The following AMBRA1 variants were observed in gnomAD, a reference collection of about 807,000 sequenced individuals.
The protein encoded by AMBRA1 is activating molecule in BECN1-regulated autophagy protein 1.
Under a neutral mutation model 125.4 loss-of-function variants are expected in AMBRA1, and 47 were observed. That is an observed-to-expected ratio of 0.37 (90% CI 0.30 to 0.48). AMBRA1 has a LOEUF of 0.48. AMBRA1 is among the 20% of genes least tolerant of loss of function. AMBRA1 has a pLI of 0.99. For synonymous variants in AMBRA1, 626 were observed against 655.5 expected (o/e 0.95, Z 0.69); for missense variants, 1,331 against 1,693.4 (o/e 0.79, Z 3.76).
rs2044025827 is a variant in AMBRA1, at chr11:46,578,157, T to C, written c.-121+15671A>G. Among the ~76,000 whole-genome samples, 4 of 151,940 alleles carry C rather than the reference T, an allele frequency of 2.6e-5. 1 individual carries two copies. The highest frequency in any genetic ancestry group is 2.6e-4 in the Admixed American group (4 of 15,214). On this transcript the variant is annotated intron_variant, in intron 1 of 17. Coordinates refer to ENST00000683756, the MANE Select transcript of AMBRA1 (RefSeq NM_001387011.1). Reference sequence around the variant, plus strand: ...GCTAGGAGAACTAAAAAGGACAATGTCCATATAAGCATTTCCCAGGAAAGT... The same window carrying C: ...GCTAGGAGAACTAAAAAGGACAATGCCCATATAAGCATTTCCCAGGAAAGT...
chr11:46,466,103 G>T (rs999104879), intron 11 of AMBRA1, among the ~76,000 whole-genome samples: 1 of 152,222 alleles, frequency 6.6e-6, no homozygotes, highest in Non-Finnish European at 1.5e-5. Flanking sequence ...CACTGTGGAA[G>T]ATGTACATAA....
At chr11:46,442,011 C>T (rs1310493848) in intron 12 of AMBRA1, among the ~76,000 whole-genome samples, 2 of 143,096 alleles carry the variant, frequency 1.4e-5, no homozygotes, top group African/African-American at 2.7e-5. Context: ...TGCTTTGTTG[C>T]CAAGGCTGGA....
At position 46,491,516 on chromosome 11, in the gene AMBRA1, C is replaced by G. The variant is rs552158018; in HGVS notation, c.2521+2092G>C. 5 of 152,228 alleles carry G rather than the reference C, an allele frequency of 3.3e-5. No individual in the cohort carries two copies. In the South Asian group the frequency reaches 1.0e-3, roughly 32 times the overall value. 9.4% of individuals were successfully genotyped at this position (152,228 alleles called of 1,614,324 possible). A position where few individuals can be genotyped will look rare whatever the true frequency, so the allele number is the denominator to read the frequency against. On this transcript the variant is annotated intron_variant, in intron 11 of 17. Coordinates refer to ENST00000683756, the MANE Select transcript of AMBRA1 (RefSeq NM_001387011.1). ...TATATTATTATTATTGGAATTTTCT[C>G]AAGAGAAGAAAACAAATGATACAAC...
intron 11 of AMBRA1, among the ~76,000 whole-genome samples, chr11:46,450,304 C>T (rs1270658387): frequency 6.6e-6 from 1 of 151,974 alleles, no homozygotes; most frequent in Non-Finnish European, 1.5e-5. Context: ...TGAAAGAAGT[C>T]AAAGGCTACA....
At chr11:46,492,832 G>A (rs765194662) in intron 11 of AMBRA1, among the ~76,000 whole-genome samples, 3 of 152,144 alleles carry the variant, frequency 2.0e-5, no homozygotes, top group East Asian at 1.9e-4. Context: ...GGCAGATCAC[G>A]AAGTGAGGAG....
intron 7 of AMBRA1, among the ~76,000 whole-genome samples, chr11:46,521,817 A>C (rs1210986122): frequency 6.6e-6 from 1 of 152,220 alleles, no homozygotes; most frequent in Admixed American, 6.5e-5. Flanking sequence ...GAGGTGGGCC[A>C]AGGCAAGGTA....
At chr11:46,452,550 T>C (rs1017048854) in intron 11 of AMBRA1, among the ~76,000 whole-genome samples, 7 of 152,154 alleles carry the variant, frequency 4.6e-5, no homozygotes, top group Non-Finnish European at 1.0e-4. Flanking sequence ...TGGCTTCTGT[T>C]TACAAAAAAT....
chr11:46,411,156 G>A (rs1001064934), intron 15 of AMBRA1, among the ~76,000 whole-genome samples: 6 of 147,276 alleles, frequency 4.1e-5, no homozygotes, highest in Non-Finnish European at 9.0e-5. Context: ...AGAAAACAAA[G>A]ACAGTGCAGG....
chr11:46,418,109 A>C, intron 14 of AMBRA1, 57 bp from the exon 15 acceptor site: 1 of 1,468,430 alleles, frequency 6.8e-7, no homozygotes, highest in Non-Finnish European at 9.2e-7. Flanking sequence ...ATTTGTTACC[A>C]AGAATAACAA....
At chr11:46,504,942 G>GT (rs1361149837) in intron 9 of AMBRA1, among the ~76,000 whole-genome samples, 6 of 152,178 alleles carry the variant, frequency 3.9e-5, no homozygotes, top group Admixed American at 2.0e-4. Flanking sequence ...GGCTCCCTTG[G>GT]TTTTCTGAGA....
At chr11:46,415,632 C>T (rs751757505) in intron 15 of AMBRA1, among the ~76,000 whole-genome samples, 5 of 152,204 alleles carry the variant, frequency 3.3e-5, no homozygotes, top group Admixed American at 1.3e-4. Context: ...GGCCCTAAGG[C>T]TTGAGGCATT....
At chr11:46,558,122 A>G (rs1318958148) in intron 1 of AMBRA1, among the ~76,000 whole-genome samples, 1 of 152,230 alleles carries the variant, frequency 6.6e-6, no homozygotes, top group African/African-American at 2.4e-5. Flanking sequence ...GATGTTACAC[A>G]GGGGAGAAGG....
chr11:46,422,628 A>G (rs1946901718), intron 14 of AMBRA1, among the ~76,000 whole-genome samples: 1 of 152,134 alleles, frequency 6.6e-6, no homozygotes, highest in Admixed American at 6.5e-5. Context: ...CATCCTTTTA[A>G]AATGAAGAGG....
At chr11:46,512,843 C>T in intron 7 of AMBRA1, 30 bp from the exon 8 acceptor site, 3 of 1,588,454 alleles carry the variant, frequency 1.9e-6, no homozygotes, top group Non-Finnish European at 2.6e-6. Flanking sequence ...TGGCAATAAT[C>T]CCTGTCAATT....
chr11:46,514,065 T>TGC (rs1223229220), intron 7 of AMBRA1, among the ~76,000 whole-genome samples: 1 of 152,178 alleles, frequency 6.6e-6, no homozygotes, highest in Non-Finnish European at 1.5e-5. Context: ...GAACGCATAT[T>TGC]GTTCCTCTCC....
intron 1 of AMBRA1, among the ~76,000 whole-genome samples, chr11:46,576,991 A>G (rs902014982): frequency 6.6e-6 from 1 of 152,202 alleles, no homozygotes; most frequent in African/African-American, 2.4e-5. Context: ...CTGAGTCCCA[A>G]TCTAAGCCCA....
At chr11:46,421,441 T>C (rs1387347192) in intron 14 of AMBRA1, among the ~76,000 whole-genome samples, 1 of 152,184 alleles carries the variant, frequency 6.6e-6, no homozygotes, top group Non-Finnish European at 1.5e-5. Context: ...GATAAGCACT[T>C]GCTTGCTTAG....
In AMBRA1 at chr11:46,397,415, C is replaced by A; in HGVS notation, c.*35G>T. 3 of 1,466,260 alleles carry A rather than the reference C, an allele frequency of 2.0e-6. No homozygotes were observed. Among genetic ancestry groups the A allele is most frequent in the South Asian group, 3.1e-5 (2 of 65,142 alleles). 90.8% of individuals were successfully genotyped at this position (1,466,260 alleles called of 1,614,324 possible). Reference sequence around the variant, plus strand: ...GCTGTGAGGTCCGGTTTCTGCTTGGCGGTTCGAGGGGAGGCACCAGTGCAA... The same window carrying A: ...GCTGTGAGGTCCGGTTTCTGCTTGGAGGTTCGAGGGGAGGCACCAGTGCAA... On this transcript the variant is annotated 3_prime_UTR_variant, in exon 18 of 18. Coordinates refer to ENST00000683756, the MANE Select transcript of AMBRA1 (RefSeq NM_001387011.1).
intron 15 of AMBRA1, among the ~76,000 whole-genome samples, chr11:46,413,674 A>G (rs1372096872): frequency 6.6e-6 from 1 of 152,102 alleles, no homozygotes; most frequent in Non-Finnish European, 1.5e-5. Flanking sequence ...TATTTTCAGT[A>G]GAGACAGTGT....
Sources: gnomAD v4.1 joint callset for allele counts (sites outside exome capture counted in the v4.1 genomes callset) on GRCh38, gnomAD v4.1.1 for gene constraint, MANE v1.5 for transcripts, NCBI Gene and HGNC (gene_info 2026-07-23, HGNC 2026-07-21) for gene names.